Variants in BACH2 observed in about 807,000 individuals in gnomAD.
The protein encoded by BACH2 is BACH transcriptional regulator 2, also known as transcription regulator protein BACH2.
BACH2 carries 5 observed loss-of-function variants against 61.8 expected under a neutral mutation model. The observed-to-expected ratio is 0.08, with a 90% confidence interval of 0.04 to 0.17. The LOEUF (loss-of-function observed/expected upper bound fraction) is 0.17, where lower values mean the gene tolerates loss of function less well. Among genes scored for constraint, BACH2 ranks in the 10% least tolerant of loss-of-function variants. The probability of loss-of-function intolerance (pLI) is 1.00; values close to 1 mark genes in which losing one functional copy is unlikely to be tolerated. For synonymous variants in BACH2, 446 were observed against 440.1 expected, an observed-to-expected ratio of 1.01 and a Z score of -0.17; for missense variants, 824 against 1,091.1, an observed-to-expected ratio of 0.76 and a Z score of 3.45.
chr6:90,143,771 T>C (rs1784536283), intron 4 of BACH2, among the ~76,000 whole-genome samples: 1 of 152,112 alleles, frequency 6.6e-6, no homozygotes, highest in Non-Finnish European at 1.5e-5. Context: ...CCCCCATTGG[T>C]TGGTCAACAA....
At chr6:90,272,107 T>A (rs1244278651) in intron 1 of BACH2, among the ~76,000 whole-genome samples, 166 bp from the exon 2 acceptor site, 1 of 152,128 alleles carries the variant, frequency 6.6e-6, no homozygotes, top group African/African-American at 2.4e-5. Flanking sequence ...AACTCAGCAA[T>A]ACCACAGACT....
At chr6:90,258,499 A>G (rs1771055439) in intron 2 of BACH2, among the ~76,000 whole-genome samples, 1 of 152,158 alleles carries the variant, frequency 6.6e-6, no homozygotes, top group Admixed American at 6.6e-5. Flanking sequence ...AGGAAGTATA[A>G]TACCTCCAAC....
chr6:90,173,954 C>T (rs1392750406), intron 4 of BACH2, among the ~76,000 whole-genome samples: 1 of 152,038 alleles, frequency 6.6e-6, no homozygotes, highest in Non-Finnish European at 1.5e-5. Context: ...AAATAATAAC[C>T]CAGAAATCTG....
At chr6:90,268,048 G>C (rs529444824) in intron 2 of BACH2, among the ~76,000 whole-genome samples, 6 of 137,950 alleles carry the variant, frequency 4.3e-5, no homozygotes, top group African/African-American at 1.6e-4. Context: ...TTGCTCTGTC[G>C]CCCAGGCTAG....
At chr6:90,162,463 A>G (rs1216559155) in intron 4 of BACH2, among the ~76,000 whole-genome samples, 2 of 151,924 alleles carry the variant, frequency 1.3e-5, no homozygotes, top group Non-Finnish European at 2.9e-5. Context: ...ACATAGTGAG[A>G]CCTTGCTGCT....
chr6:90,046,517 A>G (rs989941036), intron 5 of BACH2, among the ~76,000 whole-genome samples: 2 of 152,218 alleles, frequency 1.3e-5, no homozygotes, highest in Non-Finnish European at 2.9e-5. Context: ...GCCTGGTACT[A>G]GGTATACAAA....
At chr6:89,986,166 G>T (rs902499680) in intron 6 of BACH2, among the ~76,000 whole-genome samples, 1 of 152,158 alleles carries the variant, frequency 6.6e-6, no homozygotes, top group Non-Finnish European at 1.5e-5. Flanking sequence ...CTGGGCCATG[G>T]ATGGGGGAGC....
chr6:89,954,405 A>C lies in BACH2; in HGVS notation c.244-2543T>G, dbSNP rs201269691. On this transcript the variant is annotated intron_variant, in intron 6 of 8. Coordinates refer to ENST00000257749, the MANE Select transcript of BACH2 (RefSeq NM_021813.4). ...TGCTGGTGTGCTGCACCCATTAACT[A>C]GTCATTTAGCATTAGGTATATCTCC... Among the ~76,000 whole-genome samples, 83 of 148,266 alleles carry C rather than the reference A, an allele frequency of 5.6e-4. No individual in the cohort carries two copies. In the East Asian group the frequency reaches 0.015, roughly 27 times the overall value.
chr6:89,947,719 C>T (rs1390208311), intron 7 of BACH2, among the ~76,000 whole-genome samples: 2 of 151,858 alleles, frequency 1.3e-5, no homozygotes, highest in Non-Finnish European at 2.9e-5. Flanking sequence ...GCGCCCACCA[C>T]GACGCCCAGC....
intron 5 of BACH2, among the ~76,000 whole-genome samples, chr6:90,021,519 TA>T (rs775786837): frequency 6.6e-6 from 1 of 152,210 alleles, no homozygotes; most frequent in African/African-American, 2.4e-5. Context: ...GTGCATTAAG[TA>T]AATACTTCTG....
At position 89,931,649 on chromosome 6, in the gene BACH2, A is replaced by G. The variant is rs1194995035; in HGVS notation, c.*759T>C. 6.5e-6 allele frequency: 1 copy of G among 152,692 alleles called. No individual in the cohort carries two copies. The highest frequency in any genetic ancestry group is 1.5e-5 in the Non-Finnish European group (1 of 68,038). The allele number at this position is 152,692 out of a possible 1,614,324, so 9.5% of individuals were successfully genotyped here. ...CCCCAAACAAACAAAAAACAAACCTACAATGCTCAAATGACACCACTTGGA... is the reference window on the plus strand; with the variant it reads ...CCCCAAACAAACAAAAAACAAACCTGCAATGCTCAAATGACACCACTTGGA... On this transcript the variant is annotated 3_prime_UTR_variant, in exon 9 of 9. Coordinates refer to ENST00000257749, the MANE Select transcript of BACH2 (RefSeq NM_021813.4).
chr6:90,014,458 ATATATATATATTTTT>A (rs1214745380), intron 5 of BACH2, among the ~76,000 whole-genome samples: 38 of 67,582 alleles, frequency 5.6e-4, no homozygotes, highest in East Asian at 1.9e-3. Flanking sequence ...ATATATATAT[ATATATATATATTTTT>A]TTTTTTTTTT....
Position 89,927,553 on chromosome 6 carries a change from T to G in BACH2, c.*4855A>C, listed in dbSNP as rs1305495082. 6.5e-6 allele frequency: 1 copy of G among 152,806 alleles called. No individual in the cohort carries two copies. The highest frequency in any genetic ancestry group is 1.9e-4 in the East Asian group (1 of 5,334). The allele number at this position is 152,806 out of a possible 1,614,324, so 9.5% of individuals were successfully genotyped here. On this transcript the variant is annotated 3_prime_UTR_variant, in exon 9 of 9. Coordinates refer to ENST00000257749, the MANE Select transcript of BACH2 (RefSeq NM_021813.4). ...TTTATCTGAGGTCAATAAACTGGAA[T>G]GAGAATGAAAGTCAGAGCTGTTTAT...
Position 90,034,638 on chromosome 6 carries a change from T to C in BACH2, c.-12-25782A>G, listed in dbSNP as rs190162198. Reference sequence around the variant, plus strand: ...AGTATCAGGAAAGATAATTATGCAGTGCCACAATTCTCACACTGATTTCTA... The same window carrying C: ...AGTATCAGGAAAGATAATTATGCAGCGCCACAATTCTCACACTGATTTCTA... On this transcript the variant is annotated intron_variant, in intron 5 of 8. Transcript: ENST00000257749. Among the ~76,000 whole-genome samples, 9 of 152,308 alleles carry C rather than the reference T, an allele frequency of 5.9e-5. No homozygotes were observed. In the East Asian group the frequency reaches 1.7e-3, roughly 29 times the overall value.
intron 2 of BACH2, among the ~76,000 whole-genome samples, chr6:90,259,005 C>G (rs1771074437): frequency 6.6e-6 from 1 of 152,158 alleles, no homozygotes; most frequent in South Asian, 2.1e-4. Flanking sequence ...TAGGATCACA[C>G]CATCTGCAAA....
At chr6:90,150,911 C>A (rs1237762688) in intron 4 of BACH2, among the ~76,000 whole-genome samples, 1 of 152,190 alleles carries the variant, frequency 6.6e-6, no homozygotes, top group African/African-American at 2.4e-5. Context: ...AGCAAGAGAG[C>A]TGAGCGGTGC....
intron 1 of BACH2, among the ~76,000 whole-genome samples, chr6:90,279,592 T>C (rs1273070509): frequency 6.6e-6 from 1 of 151,938 alleles, no homozygotes; most frequent in Admixed American, 6.5e-5. Context: ...TTATCTCATC[T>C]AGATGACATA....
intron 4 of BACH2, among the ~76,000 whole-genome samples, chr6:90,197,749 C>T (rs1768807703): frequency 6.6e-6 from 1 of 152,192 alleles, no homozygotes; most frequent in African/African-American, 2.4e-5. Flanking sequence ...ATTAAAACTC[C>T]TGATGAAGGA....
chr6:90,123,492 C>T lies in BACH2; in HGVS notation c.-161-34383G>A, dbSNP rs903617796. ...AGCTTATAAGAAGACCGGTGGGGGC[C>T]GGGCGCGGTGGCTCACGCCTGTAAT... On this transcript the variant is annotated intron_variant, in intron 4 of 8. Transcript: ENST00000257749. Among the ~76,000 whole-genome samples, 7 of 149,734 alleles carry T rather than the reference C, an allele frequency of 4.7e-5. No individual in the cohort carries two copies. In the East Asian group the frequency reaches 1.0e-3, roughly 21 times the overall value.
Sources: gnomAD v4.1 joint callset for allele counts (sites outside exome capture counted in the v4.1 genomes callset) on GRCh38, gnomAD v4.1.1 for gene constraint, MANE v1.5 for transcripts, NCBI Gene and HGNC (gene_info 2026-07-23, HGNC 2026-07-21) for gene names.